Variants in PTPRM observed in about 807,000 individuals in gnomAD.
PTPRM encodes protein tyrosine phosphatase receptor type M.
Under a neutral mutation model 186.7 loss-of-function variants are expected in PTPRM, and 47 were observed. The observed-to-expected ratio is 0.25, with a 90% CI of 0.20 to 0.32. The LOEUF is 0.32. Ranked by LOEUF, PTPRM falls within the 10% of genes least tolerant of loss-of-function variation. The pLI is 1.00. For missense variants in PTPRM, 1,494 were observed against 1,865.0 expected, an observed-to-expected ratio of 0.80 and a Z score of 3.66; for synonymous variants, 668 against 674.9, an observed-to-expected ratio of 0.99 and a Z score of 0.16.
At chr18:7,655,169 T>C (rs1251922090) in intron 1 of PTPRM, among the ~76,000 whole-genome samples, 2 of 152,158 alleles carry the variant, frequency 1.3e-5, no homozygotes, top group Non-Finnish European at 2.9e-5. Flanking sequence ...ACTTATCTTG[T>C]TTGTTAGCTG....
At chr18:7,944,811 C>G (rs2052407275) in intron 5 of PTPRM, among the ~76,000 whole-genome samples, 1 of 152,190 alleles carries the variant, frequency 6.6e-6, no homozygotes, top group Non-Finnish European at 1.5e-5. Flanking sequence ...TAAGAAACTT[C>G]TGTGCATCCT....
At chr18:8,029,152 C>T (rs2085772125) in intron 7 of PTPRM, among the ~76,000 whole-genome samples, 1 of 152,172 alleles carries the variant, frequency 6.6e-6, no homozygotes, top group African/African-American at 2.4e-5. Flanking sequence ...ACATACCTGC[C>T]TGCCTGGAGT....
At chr18:7,589,398 G>T (rs183436194) in intron 1 of PTPRM, among the ~76,000 whole-genome samples, 3 of 152,270 alleles carry the variant, frequency 2.0e-5, no homozygotes, top group Admixed American at 6.5e-5. Flanking sequence ...TGGCCTGTCG[G>T]TGTTCTGTAC....
intron 1 of PTPRM, among the ~76,000 whole-genome samples, chr18:7,654,614 C>G (rs2038805029): frequency 6.6e-6 from 1 of 151,982 alleles, no homozygotes; most frequent in African/African-American, 2.4e-5. Flanking sequence ...TTTAATCCAT[C>G]TTAATTTTAG....
intron 4 of PTPRM, among the ~76,000 whole-genome samples, chr18:7,908,188 CCAG>C (rs1251564124): frequency 1.3e-5 from 2 of 152,112 alleles, no homozygotes; most frequent in East Asian, 3.9e-4. Context: ...TATATTCCCA[CCAG>C]CAGTGCATGG....
intron 21 of PTPRM, 54 bp from the exon 22 acceptor site, chr18:8,319,124 T>C (rs1490734137): frequency 4.1e-6 from 5 of 1,223,854 alleles, no homozygotes; most frequent in East Asian, 2.4e-5. Flanking sequence ...ATGCGACTTA[T>C]CTGCTGTTTA....
At chr18:8,046,201 G>T (rs752076638) in intron 7 of PTPRM, among the ~76,000 whole-genome samples, 1 of 152,086 alleles carries the variant, frequency 6.6e-6, no homozygotes, top group Non-Finnish European at 1.5e-5. Context: ...CTCCCCAACC[G>T]TCCAGCCATG....
intron 14 of PTPRM, among the ~76,000 whole-genome samples, chr18:8,179,915 C>G (rs1489348102): frequency 6.6e-6 from 1 of 152,194 alleles, no homozygotes; most frequent in Non-Finnish European, 1.5e-5. Context: ...AATTAGACAA[C>G]AGTCATTTTC....
At chr18:7,723,266 C>G (rs1202474050) in intron 1 of PTPRM, among the ~76,000 whole-genome samples, 1 of 152,198 alleles carries the variant, frequency 6.6e-6, no homozygotes, top group Non-Finnish European at 1.5e-5. Flanking sequence ...CTTTCTTGAA[C>G]ATCCTGTTTT....
At chr18:8,390,653 G>A (rs186425483) in intron 31 of PTPRM, among the ~76,000 whole-genome samples, 28 of 152,344 alleles carry the variant, frequency 1.8e-4, no homozygotes, top group East Asian at 1.9e-4. Flanking sequence ...TCCCAGCCCA[G>A]CGCAGTGGCT....
Position 8,143,695 on chromosome 18 carries a change from A to T in PTPRM, c.2216A>T (p.His739Leu). The T allele has an allele frequency of 6.2e-7, 1 of 1,609,974 alleles. No individual in the cohort carries two copies. The highest frequency in any genetic ancestry group is 8.5e-7 in the Non-Finnish European group (1 of 1,176,192). The change falls in exon 14 of 33, where the codon CAT becomes CTT. Residue 739 changes from histidine to leucine, a missense_variant. Physicochemically the swap from His to Leu is moderately conservative, Grantham distance 99. This residue lies in a region of PTPRM where 1,107 missense variants were observed against 1,350.2 expected (regional missense o/e 0.82). Transcript: ENST00000580170. ...PVPEPEKQTD[H>L]TVKIAGVIAG... is the part of the protein sequence containing the mutation. Reference sequence around the variant, plus strand: ...CCAGAACCCGAGAAACAGACAGACCATACAGTTAAAATTGCTGGAGTCATC... The same window carrying T: ...CCAGAACCCGAGAAACAGACAGACCTTACAGTTAAAATTGCTGGAGTCATC...
At chr18:8,088,897 A>C in intron 11 of PTPRM, 46 bp downstream of exon 11, 2 of 1,384,584 alleles carry the variant, frequency 1.4e-6, no homozygotes, top group Non-Finnish European at 2.0e-6. Context: ...AGAAAACTAA[A>C]TCAAGTTGAT....
At chr18:7,594,757 A>ATAATG (rs2037214050) in intron 1 of PTPRM, among the ~76,000 whole-genome samples, 1 of 148,700 alleles carries the variant, frequency 6.7e-6, no homozygotes, top group Admixed American at 6.6e-5. Flanking sequence ...ATATGGCAGA[A>ATAATG]TAATGTGTGC....
intron 7 of PTPRM, among the ~76,000 whole-genome samples, chr18:8,040,017 A>G (rs1009775727): frequency 2.6e-5 from 4 of 152,220 alleles, no homozygotes; most frequent in Non-Finnish European, 2.9e-5. Flanking sequence ...TTACGGTTAG[A>G]CATTTCAAAT....
Position 8,262,435 on chromosome 18 carries a change from G to A in PTPRM, c.2754+9021G>A, listed in dbSNP as rs1394303687. Among the ~76,000 whole-genome samples, 5 of 152,300 alleles carry A rather than the reference G, an allele frequency of 3.3e-5. No individual in the cohort carries two copies. The South Asian group carries it at 6.2e-4, about 19-fold the overall frequency. ...ACCTCACTCTGTGTTTCAGACTTTCGTTGTAATGCAGGTGCTTCCCACCGT... is the reference window on the plus strand; with the variant it reads ...ACCTCACTCTGTGTTTCAGACTTTCATTGTAATGCAGGTGCTTCCCACCGT... On this transcript the variant is annotated intron_variant, in intron 19 of 32. Transcript: ENST00000580170.
intron 1 of PTPRM, among the ~76,000 whole-genome samples, chr18:7,649,378 A>G (rs73387578): frequency 0.066 from 10,043 of 152,206 alleles, 431 homozygotes; most frequent in African/African-American, 0.12. Flanking sequence ...TCCAAGTCTT[A>G]TTGTTTAATA....
At chr18:8,282,617 G>A (rs1475467275) in intron 19 of PTPRM, among the ~76,000 whole-genome samples, 1 of 152,058 alleles carries the variant, frequency 6.6e-6, no homozygotes, top group East Asian at 1.9e-4. Context: ...AGCCAAGATC[G>A]CACCATTGCA....
intron 19 of PTPRM, among the ~76,000 whole-genome samples, chr18:8,260,872 G>C (rs1438876573): frequency 2.0e-5 from 3 of 152,208 alleles, no homozygotes; most frequent in Non-Finnish European, 4.4e-5. Context: ...GCTCCCCCTT[G>C]TTGGGAGTTG....
At chr18:7,757,946 T>C (rs1263626797) in intron 1 of PTPRM, among the ~76,000 whole-genome samples, 1 of 151,976 alleles carries the variant, frequency 6.6e-6, no homozygotes, top group Non-Finnish European at 1.5e-5. Flanking sequence ...CAGGGAAAAT[T>C]AAGTGCATGC....
Sources: gnomAD v4.1 joint callset for allele counts (sites outside exome capture counted in the v4.1 genomes callset) on GRCh38, gnomAD v4.1.1 for gene constraint, gnomAD v4.1.1 regional missense constraint, MANE v1.5 for transcripts, NCBI Gene and HGNC (gene_info 2026-07-23, HGNC 2026-07-21) for gene names.